Variants in ANO4 observed in about 807,000 individuals in gnomAD.
ANO4 encodes anoctamin 4.
ANO4 carries 69 observed loss-of-function variants against 141.9 expected under a neutral mutation model. The observed-to-expected ratio is 0.49, with a 90% confidence interval of 0.40 to 0.59. The LOEUF is 0.59. ANO4 is among the 20% of genes least tolerant of loss of function. The probability of loss-of-function intolerance (pLI) is 0.00; values close to 1 mark genes in which losing one functional copy is unlikely to be tolerated. For missense variants in ANO4, 894 were observed against 1,162.2 expected (o/e 0.77, Z 3.36); for synonymous variants, 350 against 394.3 (o/e 0.89, Z 1.33).
chr12:100,747,383 C>T (rs2032159986), intron 3 of ANO4, among the ~76,000 whole-genome samples: 1 of 152,020 alleles, frequency 6.6e-6, no homozygotes, highest in Non-Finnish European at 1.5e-5. Context: ...ACTTGCCCTG[C>T]CTGCTTCCCT....
intron 5 of ANO4, 136 bp from the exon 6 acceptor site, chr12:100,971,170 A>G: frequency 2.0e-6 from 1 of 487,936 alleles, no homozygotes; most frequent in African/African-American, 1.9e-5. Context: ...TTGCACTTGT[A>G]AGGGTCTGGC....
chr12:101,069,181 G>A (rs1232998799), intron 14 of ANO4: 12 of 1,274,404 alleles, frequency 9.4e-6, no homozygotes, highest in East Asian at 4.7e-5. Context: ...TAAAACATGC[G>A]AGGAACAGTG....
intron 7 of ANO4, among the ~76,000 whole-genome samples, chr12:100,977,355 C>T (rs989559009): frequency 2.0e-5 from 3 of 152,184 alleles, no homozygotes; most frequent in Admixed American, 6.5e-5. Flanking sequence ...ATTCTCTATA[C>T]AGGCATTGGC....
chr12:100,878,914 A>G (rs1002963132), intron 1 of ANO4, among the ~76,000 whole-genome samples: 3 of 152,180 alleles, frequency 2.0e-5, no homozygotes, highest in African/African-American at 4.8e-5. Flanking sequence ...TCAGATCTCA[A>G]AAAGGTCTAT....
Position 100,814,275 on chromosome 12 carries a change from C to A in ANO4, c.-141+19248C>A, listed in dbSNP as rs191090430. ...ATTCACCCATTTCAAGTATAGAATTCAATAAGTTATAGTAAGTTTACCAAG... is the reference window on the plus strand; with the variant it reads ...ATTCACCCATTTCAAGTATAGAATTAAATAAGTTATAGTAAGTTTACCAAG... On this transcript the variant is annotated intron_variant, in intron 1 of 27. Coordinates refer to ENST00000392977, the MANE Select transcript of ANO4 (RefSeq NM_001286615.2). 4.6e-5 allele frequency among the ~76,000 whole-genome samples: 7 copies of A among 152,158 alleles called. No homozygotes were observed. The South Asian group carries it at 1.2e-3, about 27-fold the overall frequency.
At chr12:100,864,790 C>T (rs1325171577) in intron 1 of ANO4, among the ~76,000 whole-genome samples, 1 of 152,178 alleles carries the variant, frequency 6.6e-6, no homozygotes, top group Non-Finnish European at 1.5e-5. Flanking sequence ...CACCCATCAA[C>T]CCGTCATCTA....
At chr12:100,897,637 A>G (rs2040410353) in intron 1 of ANO4, among the ~76,000 whole-genome samples, 1 of 152,246 alleles carries the variant, frequency 6.6e-6, no homozygotes, top group South Asian at 2.1e-4. Context: ...CCATCCATGT[A>G]CTGGCAGATG....
chr12:100,873,341 A>T (rs931766153), intron 1 of ANO4, among the ~76,000 whole-genome samples: 4 of 152,200 alleles, frequency 2.6e-5, no homozygotes, highest in African/African-American at 9.6e-5. Flanking sequence ...GAAAGTTTGG[A>T]ATTTCCTAGA....
intron 2 of ANO4, among the ~76,000 whole-genome samples, chr12:100,911,148 T>C (rs1242340410): frequency 6.6e-6 from 1 of 152,242 alleles, no homozygotes; most frequent in Non-Finnish European, 1.5e-5. Flanking sequence ...ACTGTTCAAC[T>C]GTTTTCATTC....
intron 5 of ANO4, among the ~76,000 whole-genome samples, chr12:100,966,984 T>C (rs922121294): frequency 8.6e-5 from 13 of 152,008 alleles, no homozygotes; most frequent in Admixed American, 2.0e-4. Context: ...TCTCCTGCCT[T>C]ACTGTTGCAA....
intron 2 of ANO4, among the ~76,000 whole-genome samples, chr12:100,909,879 T>C (rs2041022899): frequency 6.6e-6 from 1 of 152,204 alleles, no homozygotes; most frequent in South Asian, 2.1e-4. Flanking sequence ...AATACCTACC[T>C]TATAGTATTA....
intron 1 of ANO4, among the ~76,000 whole-genome samples, chr12:100,890,828 A>G (rs1170947196): frequency 2.0e-5 from 3 of 152,190 alleles, no homozygotes. Context: ...ATTAGCGTTC[A>G]CTGTTGGTGT....
intron 13 of ANO4, among the ~76,000 whole-genome samples, chr12:101,046,560 G>A (rs527850913): frequency 2.0e-5 from 3 of 152,110 alleles, no homozygotes; most frequent in African/African-American, 4.8e-5. Flanking sequence ...GTTTCTCAGG[G>A]TCTTTGTTTT....
intron 1 of ANO4, among the ~76,000 whole-genome samples, chr12:100,879,237 G>A (rs1447336407): frequency 6.6e-6 from 1 of 152,160 alleles, no homozygotes; most frequent in Non-Finnish European, 1.5e-5. Flanking sequence ...TGAATATTAG[G>A]TGTATTATTA....
chr12:100,921,212 T>C (rs2041617524), intron 2 of ANO4, among the ~76,000 whole-genome samples: 2 of 152,148 alleles, frequency 1.3e-5, no homozygotes, highest in African/African-American at 4.8e-5. Flanking sequence ...GTCCCTGCCC[T>C]CCCAAGGCTT....
In ANO4 at chr12:101,096,404, G is replaced by A. The variant is rs1043883149; in HGVS notation, c.1739-132G>A. ...TCTGTTCCACCACACGCCATCCGTG[G>A]GTAAACTGGAGTCTCCTGCAGCCTC... On this transcript the variant is annotated intron_variant, in intron 18 of 27. Coordinates refer to ENST00000392977, the MANE Select transcript of ANO4 (RefSeq NM_001286615.2). 5.0e-5 allele frequency: 33 copies of A among 653,850 alleles called. No homozygotes were observed. The African/African-American group carries it at 5.9e-4, about 12-fold the overall frequency. 40.5% of individuals were successfully genotyped at this position (653,850 alleles called of 1,614,324 possible). A position where few individuals can be genotyped will look rare whatever the true frequency, so the allele number is the denominator to read the frequency against.
In ANO4 at chr12:100,746,378, G is replaced by A. The variant is rs547214051; in HGVS notation, c.358+6273G>A. Among the ~76,000 whole-genome samples the A allele has an allele frequency of 1.3e-3, 202 of 151,412 alleles. 2 individuals are homozygous for A. Among genetic ancestry groups the A allele is most frequent in the African/African-American group, 4.7e-3 (193 of 41,408 alleles). On this transcript the variant is annotated intron_variant, in intron 3 of 29. Coordinates refer to the ANO4 transcript ENST00000644049. ...TGAGGCATAAGAATTGCTTGAACCC[G>A]GCAGGCGGAGGCTGCAGTGAGCTGA... is the stretch of plus-strand genomic sequence containing the variant.
At chr12:100,744,720 AATT>A (rs371446227) in intron 3 of ANO4, among the ~76,000 whole-genome samples, 71 of 152,200 alleles carry the variant, frequency 4.7e-4, no homozygotes, top group Middle Eastern at 3.4e-3. Context: ...CTAACTTATT[AATT>A]ATGTCTATTT....
intron 14 of ANO4, among the ~76,000 whole-genome samples, chr12:101,052,319 G>A (rs1566179333): frequency 6.6e-6 from 1 of 152,108 alleles, no homozygotes; most frequent in Admixed American, 6.5e-5. Context: ...ATTCCTCAAT[G>A]CTCATTTTTG....
Sources: gnomAD v4.1 joint callset for allele counts (sites outside exome capture counted in the v4.1 genomes callset) on GRCh38, gnomAD v4.1.1 for gene constraint, MANE v1.5 for transcripts, NCBI Gene and HGNC (gene_info 2026-07-23, HGNC 2026-07-21) for gene names.